The following FBXO31 variants were observed in gnomAD, a reference collection of about 807,000 sequenced individuals.
FBXO31 encodes the protein F-box only protein 31.
A neutral mutation model predicts 54.4 loss-of-function variants in FBXO31; 24 were observed. That is an observed-to-expected ratio of 0.44 (90% CI 0.32 to 0.62). The LOEUF is 0.62. FBXO31 is among the 20% of genes least tolerant of loss of function. The pLI is 0.05. For missense variants in FBXO31, 665 were observed against 787.1 expected, an observed-to-expected ratio of 0.84 and a Z score of 1.86; for synonymous variants, 388 against 335.6, an observed-to-expected ratio of 1.16 and a Z score of -1.71.
At chr16:87,356,215 T>G (rs1382107464) in intron 2 of FBXO31, among the ~76,000 whole-genome samples, 2 of 137,202 alleles carry the variant, frequency 1.5e-5, no homozygotes, top group African/African-American at 2.8e-5. Context: ...GGTGACAGAG[T>G]GAGACTCCAT....
At position 87,334,226 on chromosome 16, in the gene FBXO31, G is replaced by C. The variant is rs867698059; in HGVS notation, c.1057C>G (p.Gln353Glu). Residue 353 changes from glutamine (Q) to glutamate (E), a missense_variant, in exon 8 of 9, where the codon CAG (glutamine) becomes GAG (glutamate). Around this residue, in one of 4 missense-constraint regions of FBXO31, gnomAD observed 234 missense variants for 346.8 expected, o/e 0.67. Coordinates refer to ENST00000311635, the MANE Select transcript of FBXO31 (RefSeq NM_024735.5). ...CGCTGGTTCTCGAGGTCGGGCAGCT[G>C]GATCCGATGCCTCAGGTCGATCTCC... ...TVEIDLRHRIQLPDLENQRNF... is the reference protein window; with the variant it reads ...TVEIDLRHRIELPDLENQRNF... 1.2e-6 allele frequency: 2 copies of C among 1,611,300 alleles called. No homozygotes were observed. Among genetic ancestry groups the C allele is most frequent in the Non-Finnish European group, 1.7e-6 (2 of 1,178,926 alleles).
chr16:87,381,920 G>A (rs1000581474), intron 1 of FBXO31, among the ~76,000 whole-genome samples: 1 of 152,036 alleles, frequency 6.6e-6, no homozygotes, highest in African/African-American at 2.4e-5. Context: ...GCTACTTGGA[G>A]GCTGATGCGG....
chr16:87,368,991 G>C (rs187715564), intron 1 of FBXO31, among the ~76,000 whole-genome samples: 1 of 152,124 alleles, frequency 6.6e-6, no homozygotes. Flanking sequence ...TAGTAGTGAC[G>C]GGGTTTCGCC....
chr16:87,366,865 T>C (rs1460709949), intron 1 of FBXO31, among the ~76,000 whole-genome samples: 1 of 151,786 alleles, frequency 6.6e-6, no homozygotes, highest in Non-Finnish European at 1.5e-5. Flanking sequence ...ACCTCCAAAA[T>C]AGCAATGCGG....
chr16:87,366,170 A>C (rs943535856), intron 1 of FBXO31, among the ~76,000 whole-genome samples: 4 of 152,160 alleles, frequency 2.6e-5, no homozygotes, highest in African/African-American at 7.2e-5. Flanking sequence ...GAAGAAAAGG[A>C]TGTGAGTGAA....
At chr16:87,360,454 G>T in intron 1 of FBXO31, 88 bp from the exon 2 acceptor site, 1 of 1,103,922 alleles carries the variant, frequency 9.1e-7, no homozygotes, top group Non-Finnish European at 1.4e-6. Flanking sequence ...GGCAGGGGAG[G>T]TGCACACCTA....
upstream of FBXO31, among the ~76,000 whole-genome samples, chr16:87,384,390 G>C (rs79016399): frequency 8.2e-3 from 1,255 of 152,304 alleles, 12 homozygotes; most frequent in Middle Eastern, 0.014. Flanking sequence ...GGAAGCCCCG[G>C]GGAGGGCTTG....
intron 5 of FBXO31, among the ~76,000 whole-genome samples, 165 bp downstream of exon 5, chr16:87,342,712 T>C (rs910675510): frequency 1.3e-5 from 2 of 152,186 alleles, no homozygotes; most frequent in Non-Finnish European, 2.9e-5. Flanking sequence ...GTTCCTCGAG[T>C]GTGCCGGATG....
Position 87,361,090 on chromosome 16 carries a change from C to T in FBXO31, c.341-724G>A, listed in dbSNP as rs1038445573. Among the ~76,000 whole-genome samples the T allele has an allele frequency of 3.9e-5, 6 of 152,220 alleles. 1 individual carries two copies. Among genetic ancestry groups the T allele is most frequent in the African/African-American group, 1.4e-4 (6 of 41,462 alleles). ...CTCCGCTAGCCTTTGAAAGGAAAGA[C>T]CGCCAGGGACTAATCCACACAACTA... On this transcript the variant is annotated intron_variant, in intron 1 of 8. Coordinates refer to ENST00000311635, the MANE Select transcript of FBXO31 (RefSeq NM_024735.5).
chr16:87,377,143 G>C (rs1186352425), intron 1 of FBXO31, among the ~76,000 whole-genome samples: 1 of 152,192 alleles, frequency 6.6e-6, no homozygotes, highest in Non-Finnish European at 1.5e-5. Context: ...CTATAATTTT[G>C]ATTAAAGTTG....
At chr16:87,356,420 T>C (rs1227206363) in intron 2 of FBXO31, among the ~76,000 whole-genome samples, 2 of 151,982 alleles carry the variant, frequency 1.3e-5, no homozygotes, top group South Asian at 2.1e-4. Flanking sequence ...CACCCCTCCT[T>C]TTCCACCTCG....
rs894364206 is a variant in FBXO31, at chr16:87,343,709, G to A, written c.546C>T (p.Val182=). Residue 182 remains valine, a synonymous_variant, in exon 4 of 9, where the codon GTC becomes GTT. Transcript: ENST00000311635. ...WMYLPPHDPH[V]DDPMRFKPLF... is the part of the protein sequence containing the mutation. ...GAGGCTTGAATCTCATAGGGTCATC[G>A]ACGTGGGGGTCATGGGGAGGCAGGT... 9 of 1,614,124 alleles carry A rather than the reference G, an allele frequency of 5.6e-6. No individual in the cohort carries two copies. Among genetic ancestry groups the A allele is most frequent in the East Asian group, 2.2e-5 (1 of 44,894 alleles).
chr16:87,355,708 C>T (rs991231220), intron 2 of FBXO31, among the ~76,000 whole-genome samples: 9 of 152,186 alleles, frequency 5.9e-5, no homozygotes, highest in African/African-American at 2.2e-4. Flanking sequence ...CGCTACATCA[C>T]AATAGGAGGC....
intron 1 of FBXO31, among the ~76,000 whole-genome samples, chr16:87,377,810 C>G (rs1041159246): frequency 9.4e-5 from 14 of 148,742 alleles, no homozygotes; most frequent in Admixed American, 1.3e-4. Flanking sequence ...GCCTGGGTGA[C>G]AGAAAGAGAC....
chr16:87,382,426 T>C (rs892163264), intron 1 of FBXO31, among the ~76,000 whole-genome samples: 1 of 152,194 alleles, frequency 6.6e-6, no homozygotes, highest in African/African-American at 2.4e-5. Flanking sequence ...TACCTAAATA[T>C]GAGCTGCTTG....
At chr16:87,369,526 G>A (rs1285526645) in intron 1 of FBXO31, among the ~76,000 whole-genome samples, 2 of 152,178 alleles carry the variant, frequency 1.3e-5, no homozygotes, top group Non-Finnish European at 2.9e-5. Context: ...TTTAAGAATG[G>A]ATTGTATTCC....
chr16:87,339,139 C>T (rs1441504291), intron 5 of FBXO31, among the ~76,000 whole-genome samples: 3 of 152,164 alleles, frequency 2.0e-5, no homozygotes, highest in African/African-American at 4.8e-5. Context: ...TTATCAGCAG[C>T]GTGAAAATGG....
intron 1 of FBXO31, among the ~76,000 whole-genome samples, chr16:87,371,346 G>A (rs1465309952): frequency 2.0e-5 from 3 of 152,208 alleles, no homozygotes; most frequent in Non-Finnish European, 4.4e-5. Context: ...CACTGGCCAA[G>A]GGAGTCCCCT....
At chr16:87,381,481 A>C (rs1428906602) in intron 1 of FBXO31, among the ~76,000 whole-genome samples, 3 of 152,246 alleles carry the variant, frequency 2.0e-5, no homozygotes, top group African/African-American at 7.2e-5. Context: ...GGGAAGGTGA[A>C]GCAGCTTGTC....
Sources: allele counts gnomAD v4.1 joint callset (sites outside exome capture counted in the v4.1 genomes callset), GRCh38; gene constraint gnomAD v4.1.1; regional missense constraint gnomAD v4.1.1; transcripts MANE v1.5; gene names NCBI Gene and HGNC (gene_info 2026-07-23, HGNC 2026-07-21).